ITGA9: variants seen among roughly 807,000 people sequenced by gnomAD.
ITGA9 encodes the protein integrin subunit alpha 9.
ITGA9 carries 56 observed loss-of-function variants against 127.8 expected under a neutral mutation model. The observed-to-expected ratio is 0.44, with a 90% CI of 0.35 to 0.55. The LOEUF (loss-of-function observed/expected upper bound fraction) is 0.55. Among genes scored for constraint, ITGA9 ranks in the 20% least tolerant of loss-of-function variants. ITGA9 has a pLI of 0.00. For synonymous variants in ITGA9, 508 were observed against 514.5 expected, an observed-to-expected ratio of 0.99 and a Z score of 0.17; for missense variants, 1,196 against 1,347.1, an observed-to-expected ratio of 0.89 and a Z score of 1.76.
intron 13 of ITGA9, among the ~76,000 whole-genome samples, chr3:37,530,058 A>G (rs1291221715): frequency 2.0e-5 from 3 of 152,232 alleles, no homozygotes; most frequent in African/African-American, 7.2e-5. Context: ...GGACAAGGGA[A>G]TCAGGGAGAG....
At position 37,799,434 on chromosome 3, in the gene ITGA9, T is replaced by A. The variant is rs1697210938; in HGVS notation, c.2890-4389T>A. On this transcript the variant is annotated intron_variant, in intron 26 of 27. Coordinates refer to ENST00000264741, the MANE Select transcript of ITGA9 (RefSeq NM_002207.3). The surrounding 1 kb of genome is among the most constrained non-coding windows in gnomAD (Gnocchi z 4.0). The stretch of plus-strand genomic sequence containing the variant: ...TTTCAGATGAGCAATAATGAGCTTG[T>A]CAAATGGACAAGGATGGAAGGGCAT... Among the ~76,000 whole-genome samples, 2 of 152,212 alleles carry A rather than the reference T, an allele frequency of 1.3e-5. No individual in the cohort carries two copies. Among genetic ancestry groups the A allele is most frequent in the Non-Finnish European group, 2.9e-5 (2 of 68,016 alleles).
At chr3:37,673,464 T>C (rs1700655877) in intron 17 of ITGA9, among the ~76,000 whole-genome samples, 2 of 152,156 alleles carry the variant, frequency 1.3e-5, no homozygotes. Context: ...GTGTTTCTCC[T>C]TAACTCCACT....
chr3:37,675,157 T>C (rs1192266549), intron 17 of ITGA9, among the ~76,000 whole-genome samples: 1 of 152,204 alleles, frequency 6.6e-6, no homozygotes, highest in East Asian at 1.9e-4. Context: ...CCAAGTATCT[T>C]GCCAGAGGTA....
At chr3:37,546,815 T>C (rs1353899387) in intron 15 of ITGA9, among the ~76,000 whole-genome samples, 1 of 152,170 alleles carries the variant, frequency 6.6e-6, no homozygotes, top group Admixed American at 6.5e-5. Flanking sequence ...GGATGCATGG[T>C]GTGTGCCAAA....
chr3:37,471,218 T>A (rs1698427874), intron 2 of ITGA9, 84 bp downstream of exon 2: 1 of 1,472,706 alleles, frequency 6.8e-7, no homozygotes, highest in South Asian at 1.1e-5. Flanking sequence ...GCCTGATCAT[T>A]CACTCACCCA....
At chr3:37,473,489 A>AG in intron 3 of ITGA9, 29 bp downstream of exon 3, 1 of 1,519,542 alleles carries the variant, frequency 6.6e-7, no homozygotes, top group South Asian at 1.1e-5. Context: ...TGCTGTGGGA[A>AG]GGGGGTGGCA....
intron 23 of ITGA9, among the ~76,000 whole-genome samples, chr3:37,757,152 G>C (rs1158131256): frequency 1.3e-5 from 2 of 151,158 alleles, no homozygotes; most frequent in Non-Finnish European, 2.9e-5. Context: ...GTAAAATGAA[G>C]GTATTATTAA....
chr3:37,746,227 T>C (rs1356067206), intron 22 of ITGA9, among the ~76,000 whole-genome samples: 2 of 152,204 alleles, frequency 1.3e-5, no homozygotes, highest in African/African-American at 2.4e-5. Context: ...CATAAGACTT[T>C]CCATATGAAC....
chr3:37,556,544 C>T (rs757467483), intron 15 of ITGA9, among the ~76,000 whole-genome samples: 4 of 152,214 alleles, frequency 2.6e-5, no homozygotes, highest in South Asian at 2.1e-4. Context: ...GTCATCTTCA[C>T]GGGCTGGTTG....
chr3:37,752,061 C>A (rs1696592780), intron 23 of ITGA9, among the ~76,000 whole-genome samples: 1 of 152,194 alleles, frequency 6.6e-6, no homozygotes, highest in Non-Finnish European at 1.5e-5. Flanking sequence ...GCATGAGGTG[C>A]TGTAGTGAAG....
At chr3:37,663,877 G>A (rs766148559) in intron 17 of ITGA9, among the ~76,000 whole-genome samples, 1 of 152,100 alleles carries the variant, frequency 6.6e-6, no homozygotes, top group Non-Finnish European at 1.5e-5. Flanking sequence ...CACCTTATAA[G>A]GTTATTTTGC....
At chr3:37,778,420 C>A (rs958919475) in intron 24 of ITGA9, among the ~76,000 whole-genome samples, 1 of 152,038 alleles carries the variant, frequency 6.6e-6, no homozygotes, top group African/African-American at 2.4e-5. Flanking sequence ...GAGTTTGAGA[C>A]CAGCCTGGCC....
intron 17 of ITGA9, among the ~76,000 whole-genome samples, chr3:37,655,033 T>C (rs1700464256): frequency 6.6e-6 from 1 of 152,242 alleles, no homozygotes; most frequent in African/African-American, 2.4e-5. Flanking sequence ...CATCCTTTTT[T>C]ATGGCTGCAT....
Position 37,473,582 on chromosome 3 carries a change from T to C in ITGA9, c.420+122T>C. 6 of 623,576 alleles carry C rather than the reference T, an allele frequency of 9.6e-6. No homozygotes were observed. The South Asian group carries it at 1.2e-4, about 13-fold the overall frequency. The allele number at this position is 623,576 out of a possible 1,614,324, so 38.6% of individuals were successfully genotyped here. On this transcript the variant is annotated intron_variant, in intron 3 of 27. Coordinates refer to ENST00000264741, the MANE Select transcript of ITGA9 (RefSeq NM_002207.3). Reference sequence around the variant, plus strand: ...TTTGAGGTTGCTTATTCTGGACTACTGCTTAGACAAATGACTTATCTTCTT... The same window carrying C: ...TTTGAGGTTGCTTATTCTGGACTACCGCTTAGACAAATGACTTATCTTCTT...
chr3:37,523,559 G>A lies in ITGA9; in HGVS notation c.1275G>A (p.Met425Ile). 6.2e-7 allele frequency: 1 copy of A among 1,614,124 alleles called. No homozygotes were observed. The highest frequency in any genetic ancestry group is 8.5e-7 in the Non-Finnish European group (1 of 1,180,004). The change falls in exon 12 of 28, where the codon ATG (methionine) becomes ATA (isoleucine). Residue 425 changes from methionine (M) to isoleucine (I), a missense_variant. Transcript: ENST00000264741. ...SGQKINPVLR[M>I]FGQSISGGID... ...AGAAGATAAATCCAGTGCTCCGGAT[G>A]TTTGGTCAGTCCATATCGGGAGGCA...
intron 14 of ITGA9, among the ~76,000 whole-genome samples, chr3:37,538,164 G>T (rs376582228): frequency 1.3e-5 from 2 of 152,248 alleles, no homozygotes; most frequent in Non-Finnish European, 2.9e-5. Context: ...CTGACCCAGT[G>T]CTCCTGTGTT....
chr3:37,519,154 A>G (rs1251350511), intron 10 of ITGA9, 106 bp from the exon 11 acceptor site: 2 of 800,930 alleles, frequency 2.5e-6, no homozygotes, highest in Non-Finnish European at 4.3e-6. Context: ...TCAACAACCA[A>G]TAATTTCTGG....
intron 27 of ITGA9, among the ~76,000 whole-genome samples, chr3:37,809,535 G>A (rs925538544): frequency 2.0e-5 from 3 of 152,084 alleles, no homozygotes; most frequent in Non-Finnish European, 4.4e-5. Flanking sequence ...AGAAAATGTT[G>A]GTGCAGCATT....
intron 17 of ITGA9, among the ~76,000 whole-genome samples, chr3:37,654,867 G>A (rs912113726): frequency 1.4e-5 from 2 of 147,698 alleles, no homozygotes; most frequent in South Asian, 2.3e-4. Context: ...GACAGGCCCC[G>A]GTGTGTGATA....
Sources: gnomAD v4.1 joint callset for allele counts (sites outside exome capture counted in the v4.1 genomes callset) on GRCh38, gnomAD v4.1.1 for gene constraint, Gnocchi (gnomAD v3.1) non-coding constraint, MANE v1.5 for transcripts, NCBI Gene and HGNC (gene_info 2026-07-23, HGNC 2026-07-21) for gene names.